The following CBX1 variants were observed in gnomAD, a reference collection of about 807,000 sequenced individuals.
CBX1 encodes chromobox protein homolog 1.
In CBX1, 10 loss-of-function variants were observed where a neutral mutation model predicts 25.1. The ratio of observed to expected loss-of-function variants is 0.40; its 90% CI spans 0.25 to 0.68. The LOEUF (loss-of-function observed/expected upper bound fraction) is 0.68, where lower values mean the gene tolerates loss of function less well. Among genes scored for constraint, CBX1 ranks in the 30% least tolerant of loss-of-function variants. The pLI is 0.40. For missense variants in CBX1, 106 were observed against 218.5 expected, an observed-to-expected ratio of 0.49 and a Z score of 3.25; for synonymous variants, 63 against 79.4, an observed-to-expected ratio of 0.79 and a Z score of 1.10.
At chr17:48,098,317 A>G (rs996632247) in intron 1 of CBX1, among the ~76,000 whole-genome samples, 21 of 152,160 alleles carry the variant, frequency 1.4e-4, no homozygotes, top group African/African-American at 5.1e-4. Flanking sequence ...AAACATGGCA[A>G]AGCAACAGCT....
At chr17:48,076,244 C>A in intron 2 of CBX1, 66 bp from the exon 3 acceptor site, 1 of 1,256,588 alleles carries the variant, frequency 8.0e-7, no homozygotes, top group South Asian at 2.3e-5. Flanking sequence ...TAAGGATAAT[C>A]GTAAGAGGAC....
intron 4 of CBX1, among the ~76,000 whole-genome samples, chr17:48,073,461 C>A (rs1186058549): frequency 1.3e-5 from 2 of 152,158 alleles, no homozygotes; most frequent in East Asian, 3.9e-4. Flanking sequence ...ATACAAAAAT[C>A]TCTATTCTCC....
chr17:48,092,344 ACTGTGGCTCACAC>A (rs2063349089), intron 1 of CBX1, among the ~76,000 whole-genome samples: 1 of 151,728 alleles, frequency 6.6e-6, no homozygotes, highest in South Asian at 2.1e-4. Flanking sequence ...TTAGCGAGGC[ACTGTGGCTCACAC>A]CTGTAATCCC....
chr17:48,087,437 G>A (rs953000383), intron 1 of CBX1, among the ~76,000 whole-genome samples: 4 of 151,832 alleles, frequency 2.6e-5, no homozygotes, highest in African/African-American at 7.3e-5. Flanking sequence ...AGCTGGGCGT[G>A]GTGGTGTGCA....
intron 4 of CBX1, 79 bp from the exon 5 acceptor site, chr17:48,071,658 C>T: frequency 8.0e-7 from 1 of 1,245,970 alleles, no homozygotes; most frequent in Non-Finnish European, 1.1e-6. Flanking sequence ...GGGGACAGTG[C>T]TTTAAAAATG....
chr17:48,085,538 G>T (rs2063307486), intron 1 of CBX1, among the ~76,000 whole-genome samples: 1 of 147,144 alleles, frequency 6.8e-6, no homozygotes, highest in South Asian at 2.2e-4. Flanking sequence ...TCTCAGAAAA[G>T]ACCTTGAAAG....
At chr17:48,100,493 G>C (rs150408511) in intron 1 of CBX1, 249 of 153,800 alleles carry the variant, frequency 1.6e-3, no homozygotes, top group African/African-American at 5.8e-3. Flanking sequence ...AGGAAACCTG[G>C]AAAACTGAAA....
chr17:48,072,058 A>T (rs1282214764), intron 4 of CBX1, among the ~76,000 whole-genome samples: 17 of 147,162 alleles, frequency 1.2e-4, no homozygotes, highest in Admixed American at 1.0e-3. Context: ...GTGCAGTGGC[A>T]TGATCTCGGA....
chr17:48,101,189 G>A lies in CBX1; in HGVS notation c.-38+79C>T, dbSNP rs2063408264. 1.2e-5 allele frequency: 12 copies of A among 988,810 alleles called. No individual in the cohort carries two copies. In the East Asian group the frequency reaches 4.5e-4, roughly 37 times the overall value. The allele number at this position is 988,810 out of a possible 1,614,324, so 61.3% of individuals were successfully genotyped here. Reference sequence around the variant, plus strand: ...CTCCTAACCTCCGCCTCGAAAGCGCGTTCCCTCACGCAGGGCTCCCGCCGC... The same window carrying A: ...CTCCTAACCTCCGCCTCGAAAGCGCATTCCCTCACGCAGGGCTCCCGCCGC... On this transcript the variant is annotated intron_variant, in intron 1 of 4. Coordinates refer to ENST00000225603, the MANE Select transcript of CBX1 (RefSeq NM_001127228.2).
chr17:48,092,308 T>C (rs972096989), intron 1 of CBX1, among the ~76,000 whole-genome samples: 1 of 151,432 alleles, frequency 6.6e-6, no homozygotes, highest in African/African-American at 2.4e-5. Flanking sequence ...TACCTTTTAA[T>C]ACTATCTATT....
intron 2 of CBX1, 81 bp downstream of exon 2, chr17:48,076,784 C>T (rs1371571711): frequency 1.5e-6 from 2 of 1,299,978 alleles, no homozygotes; most frequent in African/African-American, 1.5e-5. Flanking sequence ...CTGTATCCAT[C>T]ATAGCACTGG....
intron 1 of CBX1, among the ~76,000 whole-genome samples, chr17:48,099,530 C>T (rs2063395889): frequency 6.6e-6 from 1 of 152,174 alleles, no homozygotes; most frequent in Non-Finnish European, 1.5e-5. Flanking sequence ...TAAGGTGCCA[C>T]CGGTTTCAAT....
intron 1 of CBX1, among the ~76,000 whole-genome samples, chr17:48,086,176 A>C (rs137888211): frequency 1.2e-4 from 19 of 152,346 alleles, no homozygotes; most frequent in African/African-American, 4.1e-4. Flanking sequence ...TTCATAGCTC[A>C]ATTTTAAGAG....
chr17:48,075,197 CTTTTTT>C, intron 3 of CBX1, 97 bp from the exon 4 acceptor site: 1 of 637,498 alleles, frequency 1.6e-6, no homozygotes, highest in Non-Finnish European at 2.7e-6. Flanking sequence ...ATCACAAACT[CTTTTTT>C]TTTTTTTTTG....
intron 1 of CBX1, among the ~76,000 whole-genome samples, chr17:48,098,047 G>C (rs953501689): frequency 6.6e-6 from 1 of 152,148 alleles, no homozygotes; most frequent in Non-Finnish European, 1.5e-5. Context: ...GTACCAGAGT[G>C]AGTACAAAAC....
intron 3 of CBX1, 23 bp from the exon 4 acceptor site, chr17:48,075,123 A>C (rs893974270): frequency 1.1e-5 from 17 of 1,515,750 alleles, no homozygotes; most frequent in Non-Finnish European, 1.5e-5. Context: ...GATGGGTAGA[A>C]CAATTTTATC....
chr17:48,089,681 G>A (rs1598313097), intron 1 of CBX1, among the ~76,000 whole-genome samples: 1 of 146,292 alleles, frequency 6.8e-6, no homozygotes, highest in East Asian at 2.3e-4. Context: ...AAATTAGCTG[G>A]GCGTGGTGGC....
chr17:48,100,893 T>C (rs1409774498), intron 1 of CBX1: 2 of 985,688 alleles, frequency 2.0e-6, no homozygotes, highest in Non-Finnish European at 1.2e-6. Context: ...TGCGGTCGTA[T>C]GCGCCTCCTC....
At chr17:48,098,954 T>C (rs1008468598) in intron 1 of CBX1, among the ~76,000 whole-genome samples, 25 of 152,244 alleles carry the variant, frequency 1.6e-4, no homozygotes, top group African/African-American at 5.8e-4. Context: ...GGCACAAGAA[T>C]GAGTGCTATC....
Sources: allele counts gnomAD v4.1 joint callset (sites outside exome capture counted in the v4.1 genomes callset), GRCh38; gene constraint gnomAD v4.1.1; transcripts MANE v1.5; gene names NCBI Gene and HGNC (gene_info 2026-07-23, HGNC 2026-07-21).